Variants in MEGF11 observed in about 807,000 individuals in gnomAD.
MEGF11 encodes the protein multiple epidermal growth factor-like domains protein 11.
A neutral mutation model predicts 146.6 loss-of-function variants in MEGF11; 126 were observed. That is an observed-to-expected ratio of 0.86 (90% CI 0.74 to 1.00). The LOEUF (loss-of-function observed/expected upper bound fraction) is 1.00. Among genes scored for constraint, MEGF11 ranks in the 50% least tolerant of loss-of-function variants. The probability of loss-of-function intolerance (pLI) is 0.00; values close to 1 mark genes in which losing one functional copy is unlikely to be tolerated. For synonymous variants in MEGF11, 532 were observed against 583.4 expected (o/e 0.91, Z 1.27); for missense variants, 1,509 against 1,521.2 (o/e 0.99, Z 0.13).
At chr15:66,203,286 G>A (rs368369708) in intron 1 of MEGF11, among the ~76,000 whole-genome samples, 4 of 152,196 alleles carry the variant, frequency 2.6e-5, no homozygotes, top group Admixed American at 6.5e-5. Flanking sequence ...GCAGGCTACC[G>A]TGTGGTTTTT....
At chr15:65,907,531 G>T (rs572286225) in intron 23 of MEGF11, among the ~76,000 whole-genome samples, 1 of 152,106 alleles carries the variant, frequency 6.6e-6, no homozygotes, top group East Asian at 1.9e-4. Flanking sequence ...CTGACGTCAC[G>T]TGATCTGCCT....
chr15:65,910,039 T>G, intron 21 of MEGF11: 1 of 659,476 alleles, frequency 1.5e-6, no homozygotes, highest in Non-Finnish European at 2.8e-6. Context: ...AGTTGTAGGG[T>G]TCCCAGGCCT....
intron 1 of MEGF11, among the ~76,000 whole-genome samples, chr15:66,219,564 A>G (rs942128234): frequency 5.3e-5 from 8 of 152,280 alleles, no homozygotes; most frequent in East Asian, 1.9e-4. Flanking sequence ...ACCACACCCA[A>G]TGCTGGCAAG....
At chr15:66,129,365 C>T (rs974384133) in intron 1 of MEGF11, among the ~76,000 whole-genome samples, 11 of 152,204 alleles carry the variant, frequency 7.2e-5, no homozygotes, top group African/African-American at 2.7e-4. Flanking sequence ...GGAAATCACA[C>T]GCACCCAAAC....
Position 65,897,945 on chromosome 15 carries a change from T to C in MEGF11, c.3412A>G (p.Lys1138Glu), listed in dbSNP as rs1306311699. Residue 1138 changes from lysine (K) to glutamate (E), a missense_variant, in exon 26 of 26, where the codon AAG (lysine) becomes GAG (glutamate). Lys to Glu is a moderately conservative substitution (Grantham distance 56, BLOSUM62 1). Transcript: ENST00000395614. ...QSPANGPSQDKQS is the reference protein window; with the variant it reads ...QSPANGPSQDEQS ...GAAGCTTATCCCTCTTAAGATTGCT[T>C]GTCCTGGGACGGCCCATTGGCAGGG... is the stretch of plus-strand genomic sequence containing the variant. 6 of 1,613,590 alleles carry C rather than the reference T, an allele frequency of 3.7e-6. No individual in the cohort carries two copies. Among genetic ancestry groups the C allele is most frequent in the Non-Finnish European group, 5.1e-6 (6 of 1,179,778 alleles).
intron 4 of MEGF11, among the ~76,000 whole-genome samples, chr15:66,110,569 A>G (rs1396607200): frequency 3.3e-5 from 5 of 152,172 alleles, no homozygotes; most frequent in Admixed American, 2.0e-4. Flanking sequence ...TCATCTCTGC[A>G]TCCCCAGGAC....
chr15:66,163,877 C>T lies in MEGF11; in HGVS notation c.-8-35466G>A, dbSNP rs547853946. Among the ~76,000 whole-genome samples the T allele has an allele frequency of 4.6e-5, 7 of 152,310 alleles. No homozygotes were observed. In the East Asian group the frequency reaches 9.6e-4, roughly 21 times the overall value. ...ACACGAGGCACAGATGCGTCATATT[C>T]GAGAAGAGCTTGTGCCACCGTTTTA... On this transcript the variant is annotated intron_variant, in intron 1 of 25. Coordinates refer to ENST00000395614, the MANE Select transcript of MEGF11 (RefSeq NM_001385028.1).
intron 5 of MEGF11, among the ~76,000 whole-genome samples, chr15:66,007,361 A>G (rs912703505): frequency 6.6e-6 from 1 of 152,190 alleles, no homozygotes; most frequent in African/African-American, 2.4e-5. Flanking sequence ...CTCCCCCTCA[A>G]TTCAAATATT....
At chr15:66,252,339 G>C (rs2092385241) in intron 1 of MEGF11, among the ~76,000 whole-genome samples, 1 of 152,152 alleles carries the variant, frequency 6.6e-6, no homozygotes, top group South Asian at 2.1e-4. Context: ...AGCCGAGATG[G>C]CCAGGAGCCC....
chr15:65,924,382 G>T (rs538523035), intron 13 of MEGF11, among the ~76,000 whole-genome samples: 1 of 134,432 alleles, frequency 7.4e-6, no homozygotes, highest in Non-Finnish European at 1.6e-5. Flanking sequence ...GTGGGGGGGG[G>T]GGCAAGTGGT....
chr15:66,210,200 G>T (rs748317821), intron 1 of MEGF11, among the ~76,000 whole-genome samples: 5 of 152,192 alleles, frequency 3.3e-5, no homozygotes, highest in Non-Finnish European at 1.5e-5. Context: ...TTTGCAAGAT[G>T]TGACCATTGG....
At chr15:65,957,241 A>G (rs1056481284) in intron 10 of MEGF11, among the ~76,000 whole-genome samples, 3 of 152,240 alleles carry the variant, frequency 2.0e-5, no homozygotes, top group Non-Finnish European at 2.9e-5. Flanking sequence ...GTCTCTGTAC[A>G]TTGTGGTTTT....
chr15:66,172,419 C>A (rs2090285168), intron 1 of MEGF11, among the ~76,000 whole-genome samples: 1 of 152,234 alleles, frequency 6.6e-6, no homozygotes, highest in Non-Finnish European at 1.5e-5. Context: ...CAACCGGCAG[C>A]CTTGCCCTCT....
At chr15:65,965,600 C>CTTTCTTTCTTTCTTT (rs1555456992) in intron 8 of MEGF11, among the ~76,000 whole-genome samples, 9 of 18,880 alleles carry the variant, frequency 4.8e-4, no homozygotes, top group Non-Finnish European at 8.1e-4. Flanking sequence ...TTCTTTCTTT[C>CTTTCTTTCTTTCTTT]TTTTTTTTTT....
intron 9 of MEGF11, among the ~76,000 whole-genome samples, chr15:65,964,114 G>A (rs1196688408): frequency 1.3e-5 from 2 of 152,216 alleles, no homozygotes; most frequent in Non-Finnish European, 2.9e-5. Flanking sequence ...GTTCATCCAG[G>A]GCTGACAGTC....
At chr15:66,133,279 T>C (rs1414670460) in intron 1 of MEGF11, among the ~76,000 whole-genome samples, 2 of 152,182 alleles carry the variant, frequency 1.3e-5, no homozygotes, top group Non-Finnish European at 2.9e-5. Flanking sequence ...AAGGCAGGCA[T>C]TGAAGCACAG....
chr15:65,929,840 C>T lies in MEGF11; in HGVS notation c.1452G>A (p.Thr484=), dbSNP rs145673178. The T allele has an allele frequency of 5.6e-5, 89 of 1,594,224 alleles. 1 individual carries two copies. Among genetic ancestry groups the T allele is most frequent in the East Asian group, 3.4e-4 (15 of 43,772 alleles). Reference sequence around the variant, plus strand: ...AGCTCTCGTTGCAGTTCAGGCCCCACGTCCCACTGGGACATGGCAGGGTGC... The same window carrying T: ...AGCTCTCGTTGCAGTTCAGGCCCCATGTCCCACTGGGACATGGCAGGGTGC... The part of the protein sequence containing the change: ...LDCTLPCPSG[T]WGLNCNESCT... Residue 484 remains threonine, a synonymous_variant, in exon 12 of 26, where the codon ACG becomes ACA. Transcript: ENST00000395614.
chr15:65,972,838 A>G lies in MEGF11; in HGVS notation c.763-2149T>C, dbSNP rs544982383. On this transcript the variant is annotated intron_variant, in intron 7 of 25. Coordinates refer to ENST00000395614, the MANE Select transcript of MEGF11 (RefSeq NM_001385028.1). Reference sequence around the variant, plus strand: ...TGTTTTCCATCAAAAAGAATTACTCAAGAAAGCTGGGCACGGTGGCTCACG... The same window carrying G: ...TGTTTTCCATCAAAAAGAATTACTCGAGAAAGCTGGGCACGGTGGCTCACG... Among the ~76,000 whole-genome samples the G allele has an allele frequency of 7.2e-5, 11 of 152,334 alleles. No homozygotes were observed. The South Asian group carries it at 2.3e-3, about 32-fold the overall frequency.
At chr15:66,015,684 G>A (rs924714505) in intron 5 of MEGF11, among the ~76,000 whole-genome samples, 1 of 152,158 alleles carries the variant, frequency 6.6e-6, no homozygotes. Flanking sequence ...CTCAGCAAAT[G>A]TTCCTGGGAA....
Sources: allele counts gnomAD v4.1 joint callset (sites outside exome capture counted in the v4.1 genomes callset), GRCh38; gene constraint gnomAD v4.1.1; transcripts MANE v1.5; gene names NCBI Gene and HGNC (gene_info 2026-07-23, HGNC 2026-07-21).